Variants in EYA1 observed in about 807,000 individuals in gnomAD.
The protein encoded by EYA1 is protein phosphatase EYA1.
EYA1 carries 16 observed loss-of-function variants against 82.0 expected under a neutral mutation model. The observed-to-expected ratio is 0.20, with a 90% CI of 0.13 to 0.30. The LOEUF is 0.30. Among genes scored for constraint, EYA1 ranks in the 10% least tolerant of loss-of-function variants. The pLI, the probability that EYA1 is intolerant of heterozygous loss-of-function variation, is 1.00. For missense variants in EYA1, 633 were observed against 730.7 expected (o/e 0.87, Z 1.54); for synonymous variants, 261 against 264.4 (o/e 0.99, Z 0.12).
chr8:71,328,178 A>G (rs1222580455), intron 4 of EYA1, among the ~76,000 whole-genome samples: 2 of 152,094 alleles, frequency 1.3e-5, no homozygotes, highest in Non-Finnish European at 2.9e-5. Context: ...TTTTTAAGCC[A>G]TTGTGGAGAA....
At chr8:71,533,419 T>C (rs535722823) in intron 2 of EYA1, among the ~76,000 whole-genome samples, 28 of 152,272 alleles carry the variant, frequency 1.8e-4, no homozygotes, top group Middle Eastern at 3.4e-3. Context: ...GCTGAAACTT[T>C]TTGTGACATA....
At chr8:71,398,896 G>A (rs932980773) in intron 2 of EYA1, among the ~76,000 whole-genome samples, 1 of 152,232 alleles carries the variant, frequency 6.6e-6, no homozygotes, top group African/African-American at 2.4e-5. Flanking sequence ...CCCAAGAGGT[G>A]GAGTCTACAG....
intron 2 of EYA1, chr8:71,403,942 A>G (rs1051609063): frequency 1.3e-5 from 2 of 152,208 alleles, no homozygotes; most frequent in African/African-American, 4.8e-5. Flanking sequence ...GGATTGTTTC[A>G]CTTCTTAAAG....
chr8:71,399,334 C>T (rs1276195118), intron 2 of EYA1, among the ~76,000 whole-genome samples: 2 of 152,286 alleles, frequency 1.3e-5, no homozygotes, highest in East Asian at 1.9e-4. Flanking sequence ...GTTGGAAATG[C>T]GGAAATCACC....
At chr8:71,529,377 A>T (rs1814080008) in intron 2 of EYA1, 1 of 152,264 alleles carries the variant, frequency 6.6e-6, no homozygotes, top group South Asian at 2.1e-4. Flanking sequence ...TTTAACTGAT[A>T]GTTGTTAAAA....
At chr8:71,284,651 G>A (rs986196431) in intron 9 of EYA1, among the ~76,000 whole-genome samples, 3 of 152,134 alleles carry the variant, frequency 2.0e-5, no homozygotes, top group Admixed American at 2.0e-4. Flanking sequence ...TACCTTATTT[G>A]TAAAGATGAT....
At chr8:71,397,203 C>T (rs1376270006) in intron 2 of EYA1, among the ~76,000 whole-genome samples, 1 of 152,114 alleles carries the variant, frequency 6.6e-6, no homozygotes, top group East Asian at 1.9e-4. Flanking sequence ...AGATGGGTTT[C>T]CTGAATACAG....
intron 2 of EYA1, among the ~76,000 whole-genome samples, chr8:71,455,991 T>C (rs1350534789): frequency 6.6e-6 from 1 of 152,214 alleles, no homozygotes; most frequent in Non-Finnish European, 1.5e-5. Context: ...ATGACATGAT[T>C]GTATATGTAG....
At chr8:71,329,979 C>T (rs755092783) in intron 4 of EYA1, among the ~76,000 whole-genome samples, 3 of 151,868 alleles carry the variant, frequency 2.0e-5, no homozygotes, top group African/African-American at 4.8e-5. Flanking sequence ...TGAACACAGA[C>T]GAAGTTAGGG....
At chr8:71,387,579 T>C (rs1290676893) in intron 2 of EYA1, among the ~76,000 whole-genome samples, 4 of 152,152 alleles carry the variant, frequency 2.6e-5, no homozygotes, top group South Asian at 2.1e-4. Flanking sequence ...GAATGATTTA[T>C]GTTATGGTAG....
intron 2 of EYA1, among the ~76,000 whole-genome samples, chr8:71,413,668 C>T (rs1830719372): frequency 6.6e-6 from 1 of 152,150 alleles, no homozygotes. Context: ...AATAAGGTAT[C>T]CCAATTGTGT....
chr8:71,199,487 A>G (rs1321189580), intron 17 of EYA1, 67 bp from the exon 18 acceptor site: 1 of 1,047,552 alleles, frequency 9.5e-7, no homozygotes, highest in Admixed American at 1.9e-5. Context: ...GCTTTTTTGG[A>G]AATCCACTCC....
At chr8:71,534,904 T>TAAA (rs35440740) in intron 2 of EYA1, among the ~76,000 whole-genome samples, 2 of 126,136 alleles carry the variant, frequency 1.6e-5, no homozygotes, top group African/African-American at 6.0e-5. Flanking sequence ...AAATGAAAGC[T>TAAA]AAAAAAAAAA....
At chr8:71,236,350 T>C (rs190656294) in intron 12 of EYA1, among the ~76,000 whole-genome samples, 6 of 152,320 alleles carry the variant, frequency 3.9e-5, no homozygotes, top group Admixed American at 1.3e-4. Flanking sequence ...TTACACTTTT[T>C]AAATATGCCA....
At chr8:71,235,794 C>T (rs990989273) in intron 12 of EYA1, among the ~76,000 whole-genome samples, 3 of 152,062 alleles carry the variant, frequency 2.0e-5, no homozygotes, top group African/African-American at 7.2e-5. Flanking sequence ...CTACTGGATG[C>T]GATAGCATGT....
intron 9 of EYA1, among the ~76,000 whole-genome samples, chr8:71,282,239 T>G (rs1042873958): frequency 4.6e-5 from 7 of 152,160 alleles, no homozygotes; most frequent in Admixed American, 2.0e-4. Flanking sequence ...CCACGTTCCC[T>G]TTACTCTAGA....
intron 11 of EYA1, among the ~76,000 whole-genome samples, chr8:71,245,431 A>T (rs1229671473): frequency 6.6e-6 from 1 of 151,590 alleles, no homozygotes; most frequent in Non-Finnish European, 1.5e-5. Flanking sequence ...GAGTTTCACC[A>T]TGTTGGCCAG....
intron 12 of EYA1, among the ~76,000 whole-genome samples, chr8:71,233,879 A>G (rs1811522145): frequency 6.6e-6 from 1 of 152,254 alleles, no homozygotes; most frequent in East Asian, 1.9e-4. Flanking sequence ...AATTAAAGAA[A>G]ACATATGAGA....
chr8:71,359,592 A>T (rs1429294318), intron 1 of EYA1, among the ~76,000 whole-genome samples: 1 of 152,224 alleles, frequency 6.6e-6, no homozygotes, highest in Non-Finnish European at 1.5e-5. Flanking sequence ...ATGTTCTGTG[A>T]AAAGTAAACT....
Sources: gnomAD v4.1 joint callset for allele counts (sites outside exome capture counted in the v4.1 genomes callset) on GRCh38, gnomAD v4.1.1 for gene constraint, MANE v1.5 for transcripts, NCBI Gene and HGNC (gene_info 2026-07-23, HGNC 2026-07-21) for gene names.